The following UST variants were observed in gnomAD, a reference collection of about 807,000 sequenced individuals.
The protein encoded by UST is chondroitin sulfate 2-O-sulfotransferase.
Under a neutral mutation model 45.6 loss-of-function variants are expected in UST, and 21 were observed. The ratio of observed to expected loss-of-function variants is 0.46; its 90% CI spans 0.33 to 0.66. UST has a LOEUF of 0.66. Ranked by LOEUF, UST falls within the 30% of genes least tolerant of loss-of-function variation. The probability of loss-of-function intolerance (pLI) is 0.02; values close to 1 mark genes in which losing one functional copy is unlikely to be tolerated. For synonymous variants in UST, 215 were observed against 200.6 expected (o/e 1.07, Z -0.61); for missense variants, 463 against 512.4 (o/e 0.90, Z 0.93).
chr6:148,912,329 T>C lies in UST; in HGVS notation c.291+25300T>C, dbSNP rs763536723. The stretch of plus-strand genomic sequence containing the variant: ...AAAGTTTCAATCCATGAGTTGTTTC[T>C]TTTCATCTCAAGGCTGCTTATCAGA... On this transcript the variant is annotated intron_variant, in intron 2 of 7. Transcript: ENST00000367463. Among the ~76,000 whole-genome samples, 6 of 152,398 alleles carry C rather than the reference T, an allele frequency of 3.9e-5. No individual in the cohort carries two copies. In the South Asian group the frequency reaches 8.3e-4, roughly 21 times the overall value.
chr6:148,759,363 A>C (rs2114653753), intron 1 of UST, among the ~76,000 whole-genome samples: 1 of 149,242 alleles, frequency 6.7e-6, no homozygotes, highest in East Asian at 2.0e-4. Context: ...GTCTCTACTA[A>C]AAAATACAAA....
At chr6:148,797,329 AAAC>A (rs1470012691) in intron 1 of UST, among the ~76,000 whole-genome samples, 2 of 152,200 alleles carry the variant, frequency 1.3e-5, no homozygotes, top group Non-Finnish European at 2.9e-5. Flanking sequence ...AAACCCCACA[AAAC>A]AACAGCAACA....
intron 2 of UST, among the ~76,000 whole-genome samples, chr6:148,899,889 A>T (rs1162292031): frequency 1.3e-5 from 2 of 151,522 alleles, no homozygotes; most frequent in Admixed American, 6.6e-5. Context: ...CAGCTGACCC[A>T]CCTCCCACCC....
chr6:148,818,028 C>A (rs1018844901), intron 1 of UST, among the ~76,000 whole-genome samples: 2 of 152,174 alleles, frequency 1.3e-5, no homozygotes, highest in Non-Finnish European at 2.9e-5. Flanking sequence ...AGTTTGCCAA[C>A]CACCTGCTAA....
At position 149,017,150 on chromosome 6, in the gene UST, G is replaced by A. The variant is rs557209888; in HGVS notation, c.682-1989G>A. ...CCCAGCTCTTTGGGAGGCCGAGGCG[G>A]GCGGATCATGAGGTCAGGAGATGGA... On this transcript the variant is annotated intron_variant, in intron 5 of 7. Coordinates refer to ENST00000367463, the MANE Select transcript of UST (RefSeq NM_005715.3). Among the ~76,000 whole-genome samples the A allele has an allele frequency of 2.6e-5, 4 of 152,340 alleles. No individual in the cohort carries two copies. In the South Asian group the frequency reaches 8.3e-4, roughly 32 times the overall value.
intron 2 of UST, among the ~76,000 whole-genome samples, chr6:148,892,103 A>C (rs35526080): frequency 0.21 from 32,094 of 152,148 alleles, 4,135 homozygotes; most frequent in African/African-American, 0.35. Flanking sequence ...TGTCCTTAGA[A>C]ATATATTGTT....
At chr6:149,019,978 T>A (rs967734014) in intron 6 of UST, among the ~76,000 whole-genome samples, 20 of 152,104 alleles carry the variant, frequency 1.3e-4, no homozygotes, top group African/African-American at 4.8e-4. Flanking sequence ...GGAGAAGAAA[T>A]GGCAGCAACA....
Position 148,748,168 on chromosome 6 carries a change from G to C in UST, c.247+491G>C, listed in dbSNP as rs1037009652. 4.6e-5 allele frequency among the ~76,000 whole-genome samples: 7 copies of C among 152,106 alleles called. No homozygotes were observed. The highest frequency in any genetic ancestry group is 1.0e-4 in the Non-Finnish European group (7 of 68,016). On this transcript the variant is annotated intron_variant, in intron 1 of 7. Coordinates refer to ENST00000367463, the MANE Select transcript of UST (RefSeq NM_005715.3). This position sits in a 1 kb window ranked among gnomAD's most constrained non-coding sequence, Gnocchi z 5.3. ...CCGTCCGCTCTGAGAATTCTGTCCC[G>C]CAGATCCCCCGCCTGCCCGCCGGCC...
chr6:148,751,195 T>C (rs1460787570), intron 1 of UST, among the ~76,000 whole-genome samples: 1 of 152,200 alleles, frequency 6.6e-6, no homozygotes, highest in Non-Finnish European at 1.5e-5. Flanking sequence ...TATAAAGTAT[T>C]TAAAGGTACT....
intron 7 of UST, among the ~76,000 whole-genome samples, chr6:149,059,884 G>A (rs992737097): frequency 8.6e-5 from 13 of 151,966 alleles, no homozygotes; most frequent in Admixed American, 7.9e-4. Flanking sequence ...ACCCGCCTCC[G>A]TGATGTTTCT....
At chr6:148,770,699 T>C (rs1776409052) in intron 1 of UST, among the ~76,000 whole-genome samples, 1 of 152,178 alleles carries the variant, frequency 6.6e-6, no homozygotes, top group African/African-American at 2.4e-5. Context: ...ACCTTTGTTG[T>C]CACGTGCACC....
rs17080932 is a variant in UST at position 148,989,051 on chromosome 6, A to G, written c.681+24488A>G. On this transcript the variant is annotated intron_variant, in intron 5 of 7. Transcript: ENST00000367463. ...AACCTCAGCAGTCCTTCCTCAGCCA[A>G]TAAGAATGAGATAATAGAGGTTCAA... Among the ~76,000 whole-genome samples the G allele has an allele frequency of 5.7e-3, 868 of 152,288 alleles. 18 individuals are homozygous for G. The highest frequency in any genetic ancestry group is 0.041 in the Admixed American group (634 of 15,292).
intron 2 of UST, among the ~76,000 whole-genome samples, chr6:148,897,516 C>G (rs1233115745): frequency 6.7e-6 from 1 of 149,804 alleles, no homozygotes; most frequent in East Asian, 2.0e-4. Flanking sequence ...TTTAGAGACA[C>G]AGTCTTGCCC....
chr6:148,953,793 A>AAATT, intron 3 of UST, 79 bp from the exon 4 acceptor site: 1 of 506,780 alleles, frequency 2.0e-6, no homozygotes, highest in Non-Finnish European at 3.3e-6. Flanking sequence ...AAAAAAAAAG[A>AAATT]GTGGGATACA....
intron 1 of UST, among the ~76,000 whole-genome samples, chr6:148,808,031 T>C (rs1038170960): frequency 6.6e-6 from 1 of 151,934 alleles, no homozygotes; most frequent in African/African-American, 2.4e-5. Context: ...GAAGCCAGGG[T>C]GGGAGGCAGG....
intron 7 of UST, among the ~76,000 whole-genome samples, chr6:149,070,694 A>G (rs1186943857): frequency 6.6e-6 from 1 of 151,516 alleles, no homozygotes; most frequent in African/African-American, 2.4e-5. Flanking sequence ...ATCATGGAGA[A>G]TGGGGTATCC....
intron 1 of UST, among the ~76,000 whole-genome samples, chr6:148,808,958 A>G (rs889894002): frequency 8.5e-5 from 13 of 152,250 alleles, no homozygotes; most frequent in African/African-American, 2.9e-4. Context: ...CACCTCCAGA[A>G]TGATGAGAAG....
chr6:148,919,497 A>G (rs1273888401), intron 2 of UST, among the ~76,000 whole-genome samples: 3 of 152,180 alleles, frequency 2.0e-5, no homozygotes, highest in South Asian at 2.1e-4. Context: ...ACCTGCTTCT[A>G]TAGCCACAGT....
At chr6:148,792,866 C>G (rs915855704) in intron 1 of UST, among the ~76,000 whole-genome samples, 3 of 152,092 alleles carry the variant, frequency 2.0e-5, no homozygotes, top group African/African-American at 7.2e-5. Flanking sequence ...TTTAAATATC[C>G]TTTGATCTAA....
Sources: allele counts gnomAD v4.1 joint callset (sites outside exome capture counted in the v4.1 genomes callset), GRCh38; gene constraint gnomAD v4.1.1; non-coding constraint Gnocchi (gnomAD v3.1); transcripts MANE v1.5; gene names NCBI Gene and HGNC (gene_info 2026-07-23, HGNC 2026-07-21).